The following PTGS2 variants were observed in gnomAD, a reference collection of about 807,000 sequenced individuals.
The protein encoded by PTGS2 is prostaglandin-endoperoxide synthase 2.
A neutral mutation model predicts 63.8 loss-of-function variants in PTGS2; 14 were observed. The ratio of observed to expected loss-of-function variants is 0.22; its 90% confidence interval spans 0.14 to 0.34. The LOEUF (loss-of-function observed/expected upper bound fraction) is 0.34. Among genes scored for constraint, PTGS2 ranks in the 10% least tolerant of loss-of-function variants. The probability of loss-of-function intolerance (pLI) is 1.00; values close to 1 mark genes in which losing one functional copy is unlikely to be tolerated. For missense variants in PTGS2, 533 were observed against 738.5 expected, an observed-to-expected ratio of 0.72 and a Z score of 3.23; for synonymous variants, 271 against 259.5, an observed-to-expected ratio of 1.04 and a Z score of -0.43.
chr1:186,678,690 A>C (rs1265120481), intron 3 of PTGS2, among the ~76,000 whole-genome samples: 3 of 152,180 alleles, frequency 2.0e-5, no homozygotes, highest in Admixed American at 6.5e-5. Flanking sequence ...TGAGTATGGC[A>C]CCCACTTTAG....
chr1:186,675,550 G>A (rs1468021207), intron 8 of PTGS2, 154 bp from the exon 9 acceptor site: 1 of 905,698 alleles, frequency 1.1e-6, no homozygotes, highest in African/African-American at 1.7e-5. Context: ...TTCAACAGGA[G>A]CTCTGCTTAA....
At position 186,675,797 on chromosome 1, in the gene PTGS2, CT is replaced by C; in HGVS notation, c.1257+100del. 10 of 1,208,578 alleles carry C rather than the reference CT, an allele frequency of 8.3e-6. No homozygotes were observed. In the South Asian group the frequency reaches 1.6e-4, roughly 20 times the overall value. The allele number at this position is 1,208,578 out of a possible 1,614,324, so 74.9% of individuals were successfully genotyped here. On this transcript the variant is annotated intron_variant, in intron 8 of 9. Coordinates refer to ENST00000367468, the MANE Select transcript of PTGS2 (RefSeq NM_000963.4). The stretch of plus-strand genomic sequence containing the variant: ...TAAAATAATTTTACTAGCAATATAA[CT>C]AACTACTCTTTTAGTAAGTTTAAGA...
At position 186,679,082 on chromosome 1, in the gene PTGS2, C is replaced by A. The variant is rs1665830419; in HGVS notation, c.289G>T (p.Ala97Ser). The A allele has an allele frequency of 1.2e-6, 2 of 1,613,890 alleles. No individual in the cohort carries two copies. Among genetic ancestry groups the A allele is most frequent in the Non-Finnish European group, 1.7e-6 (2 of 1,179,970 alleles). Residue 97 changes from alanine to serine, a missense_variant, in exon 3 of 10, where the codon GCA becomes TCA. Transcript: ENST00000367468. ...VVNNIPFLRNAIMSYVLTSRS... is the reference protein window; with the variant it reads ...VVNNIPFLRNSIMSYVLTSRS... Reference sequence around the variant, plus strand: ...CATGTCAACACATAACTCATAATTGCATTTCGAAGGAAGGGAATGTTATTC... The same window carrying A: ...CATGTCAACACATAACTCATAATTGAATTTCGAAGGAAGGGAATGTTATTC...
chr1:186,673,835 A>T lies in PTGS2; in HGVS notation c.*518T>A, dbSNP rs1665732831. On this transcript the variant is annotated 3_prime_UTR_variant, in exon 10 of 10. Coordinates refer to ENST00000367468, the MANE Select transcript of PTGS2 (RefSeq NM_000963.4). ...AAATTATTGTTTCATTGCTGATTTT[A>T]AAAAGTAGACATGAAATTACTGGTA... 2 of 152,238 alleles carry T rather than the reference A, an allele frequency of 1.3e-5. No homozygotes were observed. Among genetic ancestry groups the T allele is most frequent in the African/African-American group, 4.8e-5 (2 of 41,470 alleles). The allele number at this position is 152,238 out of a possible 1,614,324, so 9.4% of individuals were successfully genotyped here.
chr1:186,677,589 T>C, intron 5 of PTGS2, 60 bp downstream of exon 5: 1 of 1,445,884 alleles, frequency 6.9e-7, no homozygotes. Flanking sequence ...CCTTTAATGT[T>C]AGCCCTTGAC....
chr1:186,679,988 T>C (rs1337492202), intron 1 of PTGS2, among the ~76,000 whole-genome samples: 1 of 152,228 alleles, frequency 6.6e-6, no homozygotes, highest in Non-Finnish European at 1.5e-5. Flanking sequence ...TAGTATCATC[T>C]ATCCCTATTT....
chr1:186,674,907 G>T, intron 9 of PTGS2, 145 bp from the exon 10 acceptor site: 2 of 1,006,424 alleles, frequency 2.0e-6, no homozygotes, highest in East Asian at 5.2e-5. Context: ...GGCCAGGCGC[G>T]GTGGCTCACG....
intron 5 of PTGS2, 128 bp from the exon 6 acceptor site, chr1:186,677,044 A>G (rs1469600844): frequency 2.6e-5 from 18 of 694,600 alleles, no homozygotes; most frequent in Non-Finnish European, 3.7e-5. Flanking sequence ...AATAAAATAT[A>G]CATTTTTCAT....
At chr1:186,678,936 A>G in intron 3 of PTGS2, 122 bp downstream of exon 3, 2 of 1,256,796 alleles carry the variant, frequency 1.6e-6, no homozygotes, top group Non-Finnish European at 2.2e-6. Flanking sequence ...AGGCAAACTT[A>G]AAAGCTATCT....
rs1288880836 is a variant in PTGS2 at position 186,674,259 on chromosome 1, G to A, written c.*94C>T. The A allele has an allele frequency of 1.2e-6, 1 of 815,650 alleles. No homozygotes were observed. The highest frequency in any genetic ancestry group is 3.5e-5 in the East Asian group (1 of 28,236). 50.5% of individuals were successfully genotyped at this position (815,650 alleles called of 1,614,324 possible). A position where few individuals can be genotyped will look rare whatever the true frequency, so the allele number is the denominator to read the frequency against. ...AGTACTGACTTCTGTTACAGAAGAT[G>A]TTAAGTAACATAAGGAGTTTAATAT... On this transcript the variant is annotated 3_prime_UTR_variant, in exon 10 of 10. Transcript: ENST00000367468.
Position 186,680,287 on chromosome 1 carries a change from G to A in PTGS2, c.4C>T (p.Leu2Phe), listed in dbSNP as rs1665856068. M[L>F]ARALLLCAVL... ...GCGCACAGCAGCAGGGCGCGGGCGA[G>A]CATCGCAGCGGCGGGCAGGGCGCGG... is the stretch of plus-strand genomic sequence containing the variant. Residue 2 changes from leucine to phenylalanine, a missense_variant, in exon 1 of 10, where the codon CTC (leucine) becomes TTC (phenylalanine). Physicochemically the swap from Leu to Phe is conservative, Grantham distance 22. Transcript: ENST00000367468. 1.9e-6 allele frequency: 3 copies of A among 1,543,416 alleles called. No individual in the cohort carries two copies.
chr1:186,678,660 AGGCC>A (rs1665823803), intron 3 of PTGS2, among the ~76,000 whole-genome samples: 4 of 152,212 alleles, frequency 2.6e-5, no homozygotes, highest in Non-Finnish European at 5.9e-5. Context: ...ACTATCCAAG[AGGCC>A]TATGAAAGGA....
chr1:186,675,840 C>A (rs1357396826), intron 8 of PTGS2, 58 bp downstream of exon 8: 2 of 1,470,960 alleles, frequency 1.4e-6, no homozygotes, highest in South Asian at 1.3e-5. Context: ...ATTTCCGTGG[C>A]AGAAATTCTA....
Position 186,674,501 on chromosome 1 carries a change from T to C in PTGS2, c.1667A>G (p.Asn556Ser), listed in dbSNP as rs759794443. The C allele has an allele frequency of 6.2e-7, 1 of 1,614,224 alleles. No individual in the cohort carries two copies. Among genetic ancestry groups the C allele is most frequent in the East Asian group, 2.2e-5 (1 of 44,884 alleles). The change falls in exon 10 of 10, where the codon AAT becomes AGT. Residue 556 changes from asparagine (N) to serine (S), a missense_variant. Coordinates refer to ENST00000367468, the MANE Select transcript of PTGS2 (RefSeq NM_000963.4). ...AGTAAAGGGACAGCCCTTCACGTTA[T>C]TGCAGATGAGAGACTGAATTGAGGC... ...NTASIQSLIC[N>S]NVKGCPFTSF...
chr1:186,680,141 A>G (rs1442695185), intron 1 of PTGS2, 98 bp downstream of exon 1: 1 of 1,514,032 alleles, frequency 6.6e-7, no homozygotes, highest in Non-Finnish European at 8.9e-7. Context: ...CTATTCGGAG[A>G]GAAGTCGGAG....
chr1:186,676,463 T>C lies in PTGS2; in HGVS notation c.970+4A>G. On this transcript the variant is annotated splice_donor_region_variant and intron_variant, in intron 7 of 9. Coordinates refer to ENST00000367468, the MANE Select transcript of PTGS2 (RefSeq NM_000963.4). ...GGTTTTATATAAATCATTTTCTTGT[T>C]TACCTATCAGTATTAGCCTGCTTGT... is the stretch of plus-strand genomic sequence containing the variant. The C allele has an allele frequency of 6.2e-7, 1 of 1,612,182 alleles. No individual in the cohort carries two copies. The highest frequency in any genetic ancestry group is 8.5e-7 in the Non-Finnish European group (1 of 1,178,594).
rs538723499 is a variant in PTGS2, at chr1:186,675,724, A to T, written c.1257+174T>A. ...GCTATTTGTCTGACAACTGTAGACT[A>T]GACTAAAAGTTTAGACTTTTCAAAC... On this transcript the variant is annotated intron_variant, in intron 8 of 9. Transcript: ENST00000367468. 1.6e-5 allele frequency: 12 copies of T among 738,752 alleles called. No homozygotes were observed. The Admixed American group carries it at 3.3e-4, about 21-fold the overall frequency. 45.8% of individuals were successfully genotyped at this position (738,752 alleles called of 1,614,324 possible).
chr1:186,680,076 C>T (rs553214784), intron 1 of PTGS2, among the ~76,000 whole-genome samples, 163 bp downstream of exon 1: 2 of 152,334 alleles, frequency 1.3e-5, no homozygotes, highest in South Asian at 4.1e-4. Flanking sequence ...GGAATATCCA[C>T]GGAGTTCTTT....
rs200132172 is a variant in PTGS2 at position 186,679,087 on chromosome 1, C to T, written c.284G>A (p.Arg95Gln). 3.8e-5 allele frequency: 61 copies of T among 1,613,984 alleles called. No homozygotes were observed. The highest frequency in any genetic ancestry group is 2.9e-4 in the South Asian group (26 of 91,060). ...CAACACATAACTCATAATTGCATTT[C>T]GAAGGAAGGGAATGTTATTCACAAC... ...WNVVNNIPFL[R>Q]NAIMSYVLTS... The change falls in exon 3 of 10, where the codon CGA (arginine) becomes CAA (glutamine). Residue 95 changes from arginine to glutamine, a missense_variant. Physicochemically the swap from Arg to Gln is conservative, Grantham distance 43. Coordinates refer to ENST00000367468, the MANE Select transcript of PTGS2 (RefSeq NM_000963.4).
Sources: gnomAD v4.1 joint callset for allele counts (sites outside exome capture counted in the v4.1 genomes callset) on GRCh38, gnomAD v4.1.1 for gene constraint, MANE v1.5 for transcripts, NCBI Gene and HGNC (gene_info 2026-07-23, HGNC 2026-07-21) for gene names.